Variants in MBNL3 observed in about 807,000 individuals in gnomAD.
MBNL3 encodes muscleblind-like protein 3.
In MBNL3, 6 loss-of-function variants were observed where a neutral mutation model predicts 24.5. The observed-to-expected ratio is 0.25, with a 90% confidence interval of 0.13 to 0.48. The LOEUF (loss-of-function observed/expected upper bound fraction) is 0.48. Among genes scored for constraint, MBNL3 ranks in the 20% least tolerant of loss-of-function variants. The pLI is 0.99. For synonymous variants in MBNL3, 100 were observed against 101.7 expected, an observed-to-expected ratio of 0.98 and a Z score of 0.10; for missense variants, 230 against 293.5, an observed-to-expected ratio of 0.78 and a Z score of 1.58.
At chrX:132,447,061 A>G (rs1054120949) in intron 1 of MBNL3, among the ~76,000 whole-genome samples, 1 of 111,077 alleles carries the variant, frequency 9.0e-6, no homozygotes. Flanking sequence ...ATGTTTGTAG[A>G]TGTATGGTGT....
chrX:132,481,556 T>C (rs1258515478), intron 1 of MBNL3, among the ~76,000 whole-genome samples: 2 of 112,008 alleles, frequency 1.8e-5, no homozygotes, highest in Non-Finnish European at 3.8e-5. Context: ...ATCATCATCA[T>C]TGTCATCCCA....
chrX:132,388,377 G>A (rs1236605776), intron 5 of MBNL3, among the ~76,000 whole-genome samples: 1 of 112,246 alleles, frequency 8.9e-6, no homozygotes, highest in Non-Finnish European at 1.9e-5. Context: ...TTACCATTGG[G>A]AGAAAATGGT....
intron 3 of MBNL3, among the ~76,000 whole-genome samples, chrX:132,393,323 A>G (rs1228444482): frequency 1.8e-5 from 2 of 110,132 alleles, no homozygotes; most frequent in Non-Finnish European, 3.8e-5. Flanking sequence ...GTTAGGCAGG[A>G]AGAGATAAGA....
intron 2 of MBNL3, among the ~76,000 whole-genome samples, chrX:132,412,402 C>G (rs1044732870): frequency 5.4e-5 from 6 of 112,094 alleles, no homozygotes. Context: ...CTGAATTTCT[C>G]TGAACAAGCC....
chrX:132,470,542 A>G (rs1947125542), intron 1 of MBNL3, among the ~76,000 whole-genome samples: 1 of 111,888 alleles, frequency 8.9e-6, no homozygotes, highest in Admixed American at 9.5e-5. Flanking sequence ...AGTCTCCTAA[A>G]TGAGACATTC....
chrX:132,449,285 G>T (rs1369755372), intron 1 of MBNL3, among the ~76,000 whole-genome samples: 1 of 110,472 alleles, frequency 9.1e-6, no homozygotes, highest in Admixed American at 9.6e-5. Context: ...CTCTTTGTAG[G>T]TCTCTAAGAA....
At chrX:132,404,210 C>T (rs1941417617) in intron 3 of MBNL3, among the ~76,000 whole-genome samples, 1 of 112,098 alleles carries the variant, frequency 8.9e-6, no homozygotes, top group Admixed American at 9.5e-5. Context: ...ACGCTGTACA[C>T]TTTAAAATAT....
chrX:132,371,279 C>A lies in MBNL3; in HGVS notation c.*8387G>T, dbSNP rs1218915063. ...ACACATCAGTAATACTTTGCTCTGC[C>A]ATAGCCTCTGATCTAAACTCTCTTC... is the stretch of plus-strand genomic sequence containing the variant. On this transcript the variant is annotated 3_prime_UTR_variant, in exon 9 of 9. Coordinates refer to ENST00000370853, the MANE Select transcript of MBNL3 (RefSeq NM_001386889.1). 1 of 111,797 alleles carries A rather than the reference C, an allele frequency of 8.9e-6. No homozygotes were observed. The highest frequency in any genetic ancestry group is 1.9e-5 in the Non-Finnish European group (1 of 53,121). The allele number at this position is 111,797 out of a possible 1,213,427, so 9.2% of individuals were successfully genotyped here. A position where few individuals can be genotyped will look rare whatever the true frequency, so the allele number is the denominator to read the frequency against.
intron 1 of MBNL3, among the ~76,000 whole-genome samples, chrX:132,485,445 T>C (rs1297225090): frequency 8.9e-6 from 1 of 112,404 alleles, no homozygotes; most frequent in Non-Finnish European, 1.9e-5. Context: ...TACAATGATC[T>C]GAAAAAATAT....
At chrX:132,478,061 T>C (rs1947533816) in intron 1 of MBNL3, among the ~76,000 whole-genome samples, 1 of 111,691 alleles carries the variant, frequency 9.0e-6, no homozygotes, top group Admixed American at 9.5e-5. Flanking sequence ...TCAAAAACAA[T>C]TTTTGAGCCC....
intron 3 of MBNL3, among the ~76,000 whole-genome samples, chrX:132,400,884 T>G (rs935748789): frequency 4.5e-5 from 5 of 112,141 alleles, no homozygotes; most frequent in Non-Finnish European, 9.4e-5. Flanking sequence ...GTAATTATAT[T>G]AAGAGCATAT....
chrX:132,414,169 A>C (rs1006993160), intron 2 of MBNL3, among the ~76,000 whole-genome samples: 3 of 112,436 alleles, frequency 2.7e-5, no homozygotes, highest in African/African-American at 9.7e-5. Context: ...GCTAATTCTA[A>C]TGAACCAAAT....
chrX:132,445,968 G>A (rs756742890), intron 1 of MBNL3, among the ~76,000 whole-genome samples: 1 of 110,711 alleles, frequency 9.0e-6, no homozygotes, highest in Non-Finnish European at 1.9e-5. Flanking sequence ...CCAACAGGCC[G>A]TGGTGTGTAA....
In MBNL3 at chrX:132,370,063, T is replaced by G. The variant is rs775942539; in HGVS notation, c.*9603A>C. On this transcript the variant is annotated 3_prime_UTR_variant, in exon 9 of 9. Transcript: ENST00000370853. ...GTATCCAAAATCCTCTGTTTGGAGCTCTTGGCTTTTATTCCCCAGACACCC... is the reference window on the plus strand; with the variant it reads ...GTATCCAAAATCCTCTGTTTGGAGCGCTTGGCTTTTATTCCCCAGACACCC... 2 of 112,000 alleles carry G rather than the reference T, an allele frequency of 1.8e-5. No homozygotes were observed. The highest frequency in any genetic ancestry group is 5.6e-4 in the East Asian group (2 of 3,546). 9.2% of individuals were successfully genotyped at this position (112,000 alleles called of 1,213,427 possible). A position where few individuals can be genotyped will look rare whatever the true frequency, so the allele number is the denominator to read the frequency against.
intron 5 of MBNL3, among the ~76,000 whole-genome samples, chrX:132,390,276 A>C (rs1431669816): frequency 3.9e-5 from 4 of 103,880 alleles, no homozygotes; most frequent in African/African-American, 1.0e-4. Flanking sequence ...AAAAAAAAAA[A>C]AAAAAAAAAA....
chrX:132,439,302 C>A (rs1481332555), intron 2 of MBNL3, 133 bp downstream of exon 2: 1 of 685,123 alleles, frequency 1.5e-6, no homozygotes, highest in African/African-American at 2.3e-5. Context: ...TCTTGACATT[C>A]TGTTTTTTTG....
At chrX:132,387,145 G>T (rs952375942) in intron 5 of MBNL3, among the ~76,000 whole-genome samples, 1 of 107,997 alleles carries the variant, frequency 9.3e-6, no homozygotes, top group African/African-American at 3.4e-5. Flanking sequence ...GGTGGTGCAT[G>T]CCTGTGGTCC....
intron 1 of MBNL3, among the ~76,000 whole-genome samples, chrX:132,477,154 G>A (rs1017417845): frequency 1.8e-5 from 2 of 112,112 alleles, no homozygotes; most frequent in Admixed American, 9.4e-5. Flanking sequence ...ACAGAATAAC[G>A]GGTTTTGTTG....
rs902736849 is a variant in MBNL3, at chrX:132,371,307, C to T, written c.*8359G>A. ...AGCCTCTGATCTAAACTCTCTTCAC[C>T]GCAGTTTTCTATCAGCCCAACTCCA... On this transcript the variant is annotated 3_prime_UTR_variant, in exon 9 of 9. Coordinates refer to ENST00000370853, the MANE Select transcript of MBNL3 (RefSeq NM_001386889.1). 4 of 111,864 alleles carry T rather than the reference C, an allele frequency of 3.6e-5. No individual in the cohort carries two copies. Among genetic ancestry groups the T allele is most frequent in the African/African-American group, 6.5e-5 (2 of 30,818 alleles). The allele number at this position is 111,864 out of a possible 1,213,427, so 9.2% of individuals were successfully genotyped here. A position where few individuals can be genotyped will look rare whatever the true frequency, so the allele number is the denominator to read the frequency against.
Sources: gnomAD v4.1 joint callset for allele counts (sites outside exome capture counted in the v4.1 genomes callset) on GRCh38, gnomAD v4.1.1 for gene constraint, MANE v1.5 for transcripts, NCBI Gene and HGNC (gene_info 2026-07-23, HGNC 2026-07-21) for gene names.